The following TTC39C variants were observed in gnomAD, a reference collection of about 807,000 sequenced individuals.
The protein encoded by TTC39C is tetratricopeptide repeat protein 39C.
TTC39C carries 33 observed loss-of-function variants against 76.3 expected under a neutral mutation model. The ratio of observed to expected loss-of-function variants is 0.43; its 90% CI spans 0.33 to 0.58. The LOEUF is 0.58. TTC39C is among the 20% of genes least tolerant of loss of function. The pLI is 0.04. For missense variants in TTC39C, 595 were observed against 701.4 expected (o/e 0.85, Z 1.71); for synonymous variants, 254 against 260.6 (o/e 0.97, Z 0.24).
At chr18:24,031,725 A>C (rs1319096674) in intron 1 of TTC39C, among the ~76,000 whole-genome samples, 3 of 152,048 alleles carry the variant, frequency 2.0e-5, no homozygotes, top group Non-Finnish European at 2.9e-5. Context: ...CTTCAACATT[A>C]ATGTCTTGAT....
At chr18:24,077,889 T>C (rs918836132) in intron 4 of TTC39C, among the ~76,000 whole-genome samples, 4 of 152,356 alleles carry the variant, frequency 2.6e-5, no homozygotes, top group Admixed American at 6.5e-5. Flanking sequence ...ATCCACTTTG[T>C]TAGTATAAAA....
intron 6 of TTC39C, among the ~76,000 whole-genome samples, chr18:24,105,075 C>G (rs1943180153): frequency 6.6e-6 from 1 of 151,438 alleles, no homozygotes; most frequent in South Asian, 2.1e-4. Flanking sequence ...AAAAAAAACC[C>G]TGGATGTTAA....
intron 6 of TTC39C, among the ~76,000 whole-genome samples, chr18:24,093,683 T>C (rs1054264775): frequency 1.5e-4 from 23 of 152,196 alleles, no homozygotes; most frequent in African/African-American, 5.6e-4. Context: ...CATGAATTTT[T>C]TGGTTTCCCA....
intron 6 of TTC39C, among the ~76,000 whole-genome samples, chr18:24,085,869 A>G (rs1365293097): frequency 6.6e-6 from 1 of 152,212 alleles, no homozygotes; most frequent in Admixed American, 6.5e-5. Flanking sequence ...GGATGAAAAG[A>G]TTTTAAGGCT....
chr18:24,128,315 CT>C (rs2085076040), intron 10 of TTC39C, among the ~76,000 whole-genome samples: 1 of 152,022 alleles, frequency 6.6e-6, no homozygotes, highest in Non-Finnish European at 1.5e-5. Context: ...GCAACTCCTG[CT>C]TCTACAAGAT....
Position 24,109,931 on chromosome 18 carries a change from G to A in TTC39C, c.985-4623G>A, listed in dbSNP as rs1471193550. ...TGAGGCATGAAAATCACTTGAACCC[G>A]GGAGGCAGAGATTGCAGTGAGCCGA... On this transcript the variant is annotated intron_variant, in intron 6 of 13. Coordinates refer to ENST00000317571, the MANE Select transcript of TTC39C (RefSeq NM_001135993.2). 6.6e-5 allele frequency among the ~76,000 whole-genome samples: 10 copies of A among 152,070 alleles called. No individual in the cohort carries two copies. In the East Asian group the frequency reaches 1.5e-3, roughly 24 times the overall value.
chr18:23,994,730 AT>A (rs2083247795), intron 1 of TTC39C, among the ~76,000 whole-genome samples: 1 of 152,170 alleles, frequency 6.6e-6, no homozygotes, highest in Non-Finnish European at 1.5e-5. Context: ...TTCTCAGCAG[AT>A]GAAATGCTAG....
At chr18:24,125,333 A>G (rs1322697820) in intron 9 of TTC39C, 94 bp from the exon 10 acceptor site, 7 of 1,480,500 alleles carry the variant, frequency 4.7e-6, no homozygotes, top group Non-Finnish European at 3.7e-6. Context: ...ATTCACATTG[A>G]TGATGAACTG....
chr18:24,025,555 T>G (rs2083589108), intron 1 of TTC39C, among the ~76,000 whole-genome samples: 1 of 152,164 alleles, frequency 6.6e-6, no homozygotes, highest in East Asian at 1.9e-4. Context: ...AAATAAACAG[T>G]TTTTCATCTG....
At chr18:24,124,287 GT>G (rs911920889) in intron 9 of TTC39C, 99 of 161,988 alleles carry the variant, frequency 6.1e-4, no homozygotes, top group Non-Finnish European at 5.7e-4. Context: ...CTGGAGTATA[GT>G]TTTTTTTTAA....
At chr18:23,994,249 G>A (rs897973821) in intron 1 of TTC39C, 3 of 147,622 alleles carry the variant, frequency 2.0e-5, no homozygotes, top group Non-Finnish European at 4.4e-5. Flanking sequence ...TTTGTGCCAC[G>A]GTTTTTGTTT....
intron 6 of TTC39C, among the ~76,000 whole-genome samples, chr18:24,093,655 T>C (rs1184527594): frequency 2.6e-5 from 4 of 152,178 alleles, no homozygotes; most frequent in Non-Finnish European, 4.4e-5. Flanking sequence ...AAAGCAAATA[T>C]CACAATATAG....
intron 1 of TTC39C, among the ~76,000 whole-genome samples, chr18:24,055,419 AGC>A (rs2084003353): frequency 6.6e-6 from 1 of 152,122 alleles, no homozygotes; most frequent in African/African-American, 2.4e-5. Flanking sequence ...TTTTGATAGT[AGC>A]TATCCTAGTG....
chr18:24,034,871 C>A (rs1332812979), intron 1 of TTC39C, among the ~76,000 whole-genome samples: 1 of 152,176 alleles, frequency 6.6e-6, no homozygotes, highest in Non-Finnish European at 1.5e-5. Flanking sequence ...TTTATCCATT[C>A]ATCCATTAAT....
intron 1 of TTC39C, among the ~76,000 whole-genome samples, chr18:24,062,054 C>T (rs537824731): frequency 6.6e-6 from 1 of 152,298 alleles, no homozygotes; most frequent in East Asian, 1.9e-4. Flanking sequence ...GCAGACAGTT[C>T]TTCAAGGAGG....
chr18:24,045,503 G>A (rs545146326), intron 1 of TTC39C, among the ~76,000 whole-genome samples: 3 of 152,146 alleles, frequency 2.0e-5, no homozygotes, highest in East Asian at 3.9e-4. Context: ...TTTTAAAAGT[G>A]CTTATATGAT....
chr18:24,071,604 C>T (rs2084242445), intron 4 of TTC39C, among the ~76,000 whole-genome samples: 1 of 151,970 alleles, frequency 6.6e-6, no homozygotes, highest in Non-Finnish European at 1.5e-5. Flanking sequence ...GGTATTTTCC[C>T]TATGACTTAC....
Position 24,064,125 on chromosome 18 carries a change from GTGTT to G in TTC39C, c.168-13_168-10del, listed in dbSNP as rs1568424059. 2.5e-6 allele frequency: 4 copies of G among 1,599,348 alleles called. No individual in the cohort carries two copies. The Admixed American group carries it at 6.7e-5, about 27-fold the overall frequency. On this transcript the variant is annotated splice_polypyrimidine_tract_variant and intron_variant, in intron 1 of 13. Transcript: ENST00000317571. ...ATAATTGTATTTTGTGTGTGTGTGT[GTGTT>G]TTTTTAACAGAAATCATAGCCCACT...
chr18:24,023,215 T>G (rs554084522), intron 1 of TTC39C, among the ~76,000 whole-genome samples: 13 of 152,296 alleles, frequency 8.5e-5, no homozygotes, highest in African/African-American at 2.6e-4. Flanking sequence ...GGTGTGTCTC[T>G]TGACCCAATT....
Sources: allele counts gnomAD v4.1 joint callset (sites outside exome capture counted in the v4.1 genomes callset), GRCh38; gene constraint gnomAD v4.1.1; transcripts MANE v1.5; gene names NCBI Gene and HGNC (gene_info 2026-07-23, HGNC 2026-07-21).